Variants in IGF2R observed in about 807,000 individuals in gnomAD.
The protein encoded by IGF2R is cation-independent mannose-6-phosphate receptor.
A neutral mutation model predicts 270.6 loss-of-function variants in IGF2R; 91 were observed. The ratio of observed to expected loss-of-function variants is 0.34; its 90% CI spans 0.28 to 0.40. IGF2R has a LOEUF of 0.40. Ranked by LOEUF, IGF2R falls within the 10% of genes least tolerant of loss-of-function variation. IGF2R has a pLI of 1.00. For missense variants in IGF2R, 2,805 were observed against 3,188.3 expected (o/e 0.88, Z 2.90); for synonymous variants, 1,316 against 1,258.9 (o/e 1.05, Z -0.96).
chr6:160,049,959 T>G (rs1228733505), intron 18 of IGF2R, among the ~76,000 whole-genome samples: 1 of 152,156 alleles, frequency 6.6e-6, no homozygotes, highest in Non-Finnish European at 1.5e-5. Context: ...GTTGAGGGAC[T>G]TAAGGGATTT....
At chr6:160,048,730 A>G (rs1047554632) in intron 18 of IGF2R, among the ~76,000 whole-genome samples, 187 bp downstream of exon 18, 2 of 152,216 alleles carry the variant, frequency 1.3e-5, no homozygotes, top group African/African-American at 4.8e-5. Flanking sequence ...GTCACACAGG[A>G]ATCATTGTTC....
chr6:160,069,622 A>G (rs756630180), intron 30 of IGF2R, among the ~76,000 whole-genome samples: 73 of 152,184 alleles, frequency 4.8e-4, no homozygotes, highest in Admixed American at 2.5e-3. Flanking sequence ...GCTACAGCCT[A>G]GCTATTCCTC....
chr6:160,071,138 C>A lies in IGF2R; in HGVS notation c.4444-772C>A, dbSNP rs578058234. 4.2e-3 allele frequency among the ~76,000 whole-genome samples: 626 copies of A among 149,292 alleles called. 8 individuals carry two copies. Among genetic ancestry groups the A allele is most frequent in the African/African-American group, 0.014 (579 of 40,086 alleles). On this transcript the variant is annotated intron_variant, in intron 31 of 47. Transcript: ENST00000356956. ...GAAGGATGAGGGTGGTGTGTGGGGG[C>A]CTCTGTGCCCCAGACCCAGGAGGCT...
Position 160,089,270 on chromosome 6 carries a change from C to A in IGF2R, c.6467+17C>A. ...TTATTTTAAGTAAGTAAAACGTTTT[C>A]CTTCTGAGCTGTGAAATGTGTTCAA... On this transcript the variant is annotated intron_variant, in intron 43 of 47. Coordinates refer to ENST00000356956, the MANE Select transcript of IGF2R (RefSeq NM_000876.4). The A allele has an allele frequency of 6.3e-7, 1 of 1,595,886 alleles. No homozygotes were observed. The highest frequency in any genetic ancestry group is 8.6e-7 in the Non-Finnish European group (1 of 1,166,878).
chr6:159,972,181 T>A (rs1323818698), intron 1 of IGF2R, among the ~76,000 whole-genome samples: 1 of 152,158 alleles, frequency 6.6e-6, no homozygotes, highest in African/African-American at 2.4e-5. Flanking sequence ...AGCTCCATTT[T>A]AATTTTGTTC....
chr6:159,970,085 A>G (rs113271195), intron 1 of IGF2R, among the ~76,000 whole-genome samples: 3 of 151,942 alleles, frequency 2.0e-5, no homozygotes, highest in Non-Finnish European at 4.4e-5. Context: ...ACATGATGTC[A>G]TTGTCTCCGG....
At position 159,979,703 on chromosome 6, in the gene IGF2R, C is replaced by T. The variant is rs147858094; in HGVS notation, c.149+10308C>T. Reference sequence around the variant, plus strand: ...TGGGGGGCCTGCATGTCAGACCCAGCGGGAAGCATGTCTGACTTGGTTGAG... The same window carrying T: ...TGGGGGGCCTGCATGTCAGACCCAGTGGGAAGCATGTCTGACTTGGTTGAG... On this transcript the variant is annotated intron_variant, in intron 1 of 47. Coordinates refer to ENST00000356956, the MANE Select transcript of IGF2R (RefSeq NM_000876.4). 7.6e-3 allele frequency among the ~76,000 whole-genome samples: 1,151 copies of T among 152,078 alleles called. 6 individuals carry two copies. The highest frequency in any genetic ancestry group is 0.012 in the Non-Finnish European group (827 of 67,978).
At position 160,032,684 on chromosome 6, in the gene IGF2R, T is replaced by C; in HGVS notation, c.1016T>C (p.Ile339Thr). The change falls in exon 8 of 48, where the codon ATA becomes ACA. Residue 339 changes from isoleucine to threonine, a missense_variant. By Grantham distance (89) the Ile-to-Thr change is moderately conservative (BLOSUM62 -1). Transcript: ENST00000356956. ...AGCGGCGAGCAGCAGGATGTCTCCA[T>C]AGACCTCACACCACTTGCCCAGAGC... ...SLSGEQQDVSIDLTPLAQSGG... is the reference protein window; with the variant it reads ...SLSGEQQDVSTDLTPLAQSGG... 8 of 1,614,106 alleles carry C rather than the reference T, an allele frequency of 5.0e-6. No individual in the cohort carries two copies. The highest frequency in any genetic ancestry group is 6.8e-6 in the Non-Finnish European group (8 of 1,180,030).
chr6:159,981,323 A>C (rs1180854661), intron 1 of IGF2R, among the ~76,000 whole-genome samples: 3 of 151,392 alleles, frequency 2.0e-5, no homozygotes, highest in Non-Finnish European at 4.4e-5. Flanking sequence ...CTGTGAGTGC[A>C]AGTGTGTGTG....
At chr6:160,089,817 A>C in intron 43 of IGF2R, 99 bp from the exon 44 acceptor site, 1 of 777,190 alleles carries the variant, frequency 1.3e-6, no homozygotes, top group Non-Finnish European at 1.9e-6. Context: ...GAAAGGAAGC[A>C]TCCTGGGGCC....
intron 45 of IGF2R, among the ~76,000 whole-genome samples, chr6:160,100,044 AAGG>A (rs1198206853): frequency 1.3e-5 from 2 of 152,240 alleles, no homozygotes; most frequent in African/African-American, 2.4e-5. Context: ...CGGAGAAGAA[AAGG>A]AGAAGTAAAA....
chr6:160,000,748 T>A (rs1472774690), intron 2 of IGF2R, among the ~76,000 whole-genome samples: 1 of 146,518 alleles, frequency 6.8e-6, no homozygotes, highest in Non-Finnish European at 1.5e-5. Context: ...TTTTTTTTTT[T>A]TTTTTGAGAC....
At chr6:160,093,507 C>T (rs779348946) in intron 44 of IGF2R, 105 of 577,238 alleles carry the variant, frequency 1.8e-4, no homozygotes, top group Admixed American at 1.7e-3. Context: ...TCAAATCACA[C>T]GTCTGTACAG....
intron 3 of IGF2R, among the ~76,000 whole-genome samples, chr6:160,009,469 G>T (rs878874496): frequency 6.6e-6 from 1 of 151,900 alleles, no homozygotes; most frequent in African/African-American, 2.4e-5. Context: ...CATTTTGATA[G>T]GTTTTAGGGC....
intron 47 of IGF2R, among the ~76,000 whole-genome samples, chr6:160,104,426 C>G (rs886476893): frequency 6.6e-6 from 1 of 151,786 alleles, no homozygotes; most frequent in African/African-American, 2.4e-5. Flanking sequence ...CTGTGAGACT[C>G]CTGCCAAATG....
chr6:160,013,433 AG>A (rs1389324579), intron 4 of IGF2R, among the ~76,000 whole-genome samples: 3 of 146,598 alleles, frequency 2.0e-5, no homozygotes, highest in South Asian at 2.3e-4. Context: ...AAAAAAAAAA[AG>A]GTGCTGATCT....
chr6:160,014,337 C>T (rs1777233953), intron 4 of IGF2R, among the ~76,000 whole-genome samples: 1 of 152,206 alleles, frequency 6.6e-6, no homozygotes, highest in Non-Finnish European at 1.5e-5. Flanking sequence ...CTGCTAAATT[C>T]GTGGTCTTAT....
At chr6:160,045,696 T>C (rs951411866) in intron 13 of IGF2R, 49 bp from the exon 14 acceptor site, 1 of 1,609,094 alleles carries the variant, frequency 6.2e-7, no homozygotes, top group African/African-American at 1.3e-5. Context: ...GGTAAGATAT[T>C]TTAGGAATGA....
At chr6:160,001,572 G>A (rs1258652678) in intron 2 of IGF2R, among the ~76,000 whole-genome samples, 1 of 152,160 alleles carries the variant, frequency 6.6e-6, no homozygotes, top group Non-Finnish European at 1.5e-5. Context: ...AGTCTCTGGT[G>A]CCAACAAGGT....
Sources: gnomAD v4.1 joint callset for allele counts (sites outside exome capture counted in the v4.1 genomes callset) on GRCh38, gnomAD v4.1.1 for gene constraint, MANE v1.5 for transcripts, NCBI Gene and HGNC (gene_info 2026-07-23, HGNC 2026-07-21) for gene names.